CFAP107: variants seen among roughly 807,000 people sequenced by gnomAD.
CFAP107 encodes cilia- and flagella-associated protein 107.
chr1:12,763,252 A>T, the CFAP107 span: 8 of 152,124 alleles, frequency 5.3e-5, no homozygotes, highest in African/African-American at 1.9e-4. Flanking sequence ...AAAATCGCGT[A>T]AAAAAACCCC....
the CFAP107 span, chr1:12,755,862 G>T: frequency 7.6e-7 from 1 of 1,316,892 alleles, no homozygotes; most frequent in South Asian, 1.2e-5. Flanking sequence ...CCCACCCAAA[G>T]CTCAGGGGAC....
At chr1:12,760,558 G>T in the CFAP107 span, among the ~76,000 whole-genome samples, 27,797 of 152,154 alleles carry the variant, frequency 0.18, 2,805 homozygotes, top group Middle Eastern at 0.26. Context: ...TGAGCACTTG[G>T]GATGCAGGTG....
the CFAP107 span, among the ~76,000 whole-genome samples, chr1:12,748,691 A>C: frequency 7.3e-6 from 1 of 137,356 alleles, no homozygotes; most frequent in Non-Finnish European, 1.5e-5. Context: ...AAGATACAGA[A>C]AAAAAAAGTG....
chr1:12,755,483 A>C, the CFAP107 span, among the ~76,000 whole-genome samples: 13 of 151,770 alleles, frequency 8.6e-5, no homozygotes, highest in African/African-American at 2.9e-4. Flanking sequence ...GCGGATGATG[A>C]GGTGACCAGG....
chr1:12,751,900 A>G, the CFAP107 span, among the ~76,000 whole-genome samples: 2 of 152,244 alleles, frequency 1.3e-5, no homozygotes, highest in Non-Finnish European at 2.9e-5. Flanking sequence ...ATCTATCGAG[A>G]CTGAATTATA....
the CFAP107 span, among the ~76,000 whole-genome samples, chr1:12,747,030 C>A: frequency 6.6e-6 from 1 of 151,452 alleles, no homozygotes; most frequent in Non-Finnish European, 1.5e-5. Context: ...CTCTCTGGCA[C>A]CTTTCCACAA....
At chr1:12,748,340 C>A in the CFAP107 span, among the ~76,000 whole-genome samples, 1 of 151,862 alleles carries the variant, frequency 6.6e-6, no homozygotes, top group Non-Finnish European at 1.5e-5. Context: ...CTATAAATAT[C>A]TGGGGCAAGA....
chr1:12,749,695 A>G, the CFAP107 span, among the ~76,000 whole-genome samples: 3 of 152,218 alleles, frequency 2.0e-5, no homozygotes, highest in Non-Finnish European at 4.4e-5. Flanking sequence ...GCAGTGGGAT[A>G]ATACATTTAA....
the CFAP107 span, chr1:12,762,973 G>A: frequency 6.6e-6 from 1 of 152,224 alleles, no homozygotes; most frequent in East Asian, 1.9e-4. Context: ...GATCACCTGA[G>A]GTCAGGAGTT....
the CFAP107 span, chr1:12,761,098 C>T: frequency 1.3e-5 from 9 of 714,062 alleles, no homozygotes; most frequent in Admixed American, 3.2e-5. Flanking sequence ...CTGCATTTGG[C>T]GGTACCTGTC....
chr1:12,759,312 G>C, the CFAP107 span: 1 of 1,613,610 alleles, frequency 6.2e-7, no homozygotes, highest in Non-Finnish European at 8.5e-7. Flanking sequence ...CCTTCCAGGG[G>C]CTACCTTACA....
the CFAP107 span, among the ~76,000 whole-genome samples, chr1:12,758,396 C>T: frequency 1.3e-5 from 2 of 152,158 alleles, no homozygotes; most frequent in African/African-American, 4.8e-5. Flanking sequence ...GATGGGAAAC[C>T]CTCCAAGTCA....
At chr1:12,758,991 G>T in the CFAP107 span, among the ~76,000 whole-genome samples, 4 of 152,152 alleles carry the variant, frequency 2.6e-5, no homozygotes, top group Admixed American at 6.5e-5. Flanking sequence ...CAAGTGAGGT[G>T]GTGCTGACTC....
chr1:12,763,404 T>A, the CFAP107 span: 4 of 152,202 alleles, frequency 2.6e-5, no homozygotes, highest in African/African-American at 9.7e-5. Flanking sequence ...AGACCTGGCC[T>A]GCCTAGGTAG....
the CFAP107 span, chr1:12,759,260 T>C: frequency 6.3e-7 from 1 of 1,591,408 alleles, no homozygotes; most frequent in South Asian, 1.1e-5. Flanking sequence ...CATGGCCAGG[T>C]GGATGCTTCG....
chr1:12,752,338 A>C, the CFAP107 span, among the ~76,000 whole-genome samples: 1 of 151,258 alleles, frequency 6.6e-6, no homozygotes, highest in Non-Finnish European at 1.5e-5. Flanking sequence ...TAGTCCCAGC[A>C]CTTTGGGAAG....
At chr1:12,760,563 C>T in the CFAP107 span, among the ~76,000 whole-genome samples, 1 of 152,232 alleles carries the variant, frequency 6.6e-6, no homozygotes, top group Admixed American at 6.5e-5. Flanking sequence ...ACTTGGGATG[C>T]AGGTGCACCT....
chr1:12,761,268 G>A, the CFAP107 span: 3 of 237,888 alleles, frequency 1.3e-5, no homozygotes, highest in African/African-American at 4.5e-5. Context: ...AGGGGAAACT[G>A]AGGCCCGGAG....
At chr1:12,748,952 C>G in the CFAP107 span, among the ~76,000 whole-genome samples, 3 of 152,078 alleles carry the variant, frequency 2.0e-5, no homozygotes, top group African/African-American at 7.2e-5. Flanking sequence ...TAGAGGGATT[C>G]AGCAGCAGAT....
Sources: gnomAD v4.1 joint callset for allele counts (sites outside exome capture counted in the v4.1 genomes callset) on GRCh38, gnomAD v4.1.1 for gene constraint, MANE v1.5 for transcripts, NCBI Gene and HGNC (gene_info 2026-07-23, HGNC 2026-07-21) for gene names.